The following ARHGAP23 variants were observed in gnomAD, a reference collection of about 807,000 sequenced individuals.
The protein encoded by ARHGAP23 is rho GTPase-activating protein 23.
In ARHGAP23, 34 loss-of-function variants were observed where a neutral mutation model predicts 136.3. The observed-to-expected ratio is 0.25, with a 90% CI of 0.19 to 0.33. The LOEUF (loss-of-function observed/expected upper bound fraction) is 0.33. Ranked by LOEUF, ARHGAP23 falls within the 10% of genes least tolerant of loss-of-function variation. The pLI, the probability that ARHGAP23 is intolerant of heterozygous loss-of-function variation, is 1.00. For missense variants in ARHGAP23, 1,808 were observed against 2,139.0 expected, an observed-to-expected ratio of 0.85 and a Z score of 3.05; for synonymous variants, 832 against 920.5, an observed-to-expected ratio of 0.90 and a Z score of 1.74.
intron 12 of ARHGAP23, among the ~76,000 whole-genome samples, chr17:38,478,905 C>T (rs536459369): frequency 2.0e-5 from 3 of 152,282 alleles, no homozygotes; most frequent in East Asian, 3.9e-4. Context: ...CTGCTGTGGC[C>T]GTGGGAGGGG....
At chr17:38,501,219 T>TA (rs199540715) in intron 23 of ARHGAP23, 6,574 of 152,108 alleles carry the variant, frequency 0.043, 202 homozygotes, top group Non-Finnish European at 0.062. Flanking sequence ...ACTAACAGAA[T>TA]AAAAAGAAAG....
At chr17:38,461,842 A>G (rs1428431856) in intron 3 of ARHGAP23, among the ~76,000 whole-genome samples, 2 of 152,100 alleles carry the variant, frequency 1.3e-5, no homozygotes, top group African/African-American at 4.8e-5. Context: ...GGCCTCTTGT[A>G]TGGCGCCCTT....
chr17:38,446,777 C>T (rs535838326), intron 1 of ARHGAP23, among the ~76,000 whole-genome samples: 2 of 152,086 alleles, frequency 1.3e-5, no homozygotes, highest in African/African-American at 4.8e-5. Context: ...TACTGATTTC[C>T]ATAGCAACTC....
intron 1 of ARHGAP23, among the ~76,000 whole-genome samples, chr17:38,441,608 G>C (rs1370653295): frequency 6.6e-6 from 1 of 152,212 alleles, no homozygotes; most frequent in East Asian, 1.9e-4. Flanking sequence ...CCGAGAGTCT[G>C]GGCTCTGCCC....
chr17:38,448,059 G>A (rs1005328660), intron 1 of ARHGAP23, among the ~76,000 whole-genome samples: 1 of 152,192 alleles, frequency 6.6e-6, no homozygotes, highest in Admixed American at 6.5e-5. Flanking sequence ...GCCCCATCCT[G>A]GGGTCTCATG....
At chr17:38,480,247 T>C (rs968800900) in intron 14 of ARHGAP23, among the ~76,000 whole-genome samples, 1 of 152,132 alleles carries the variant, frequency 6.6e-6, no homozygotes, top group African/African-American at 2.4e-5. Context: ...ACACGTGTAA[T>C]CCCAGCACTT....
intron 20 of ARHGAP23, among the ~76,000 whole-genome samples, chr17:38,494,811 G>A (rs1220861455): frequency 2.0e-5 from 3 of 152,126 alleles, no homozygotes; most frequent in African/African-American, 4.8e-5. Context: ...CATCCCAGGC[G>A]GAAAGAACAG....
chr17:38,443,863 C>T (rs1374436990), intron 1 of ARHGAP23, among the ~76,000 whole-genome samples: 1 of 152,140 alleles, frequency 6.6e-6, no homozygotes, highest in African/African-American at 2.4e-5. Flanking sequence ...CACCTGTTAC[C>T]TCTGCCCAGG....
In ARHGAP23 at chr17:38,510,500, G is replaced by T; in HGVS notation, c.4004G>T (p.Arg1335Leu). The T allele has an allele frequency of 1.7e-6, 2 of 1,152,500 alleles. No individual in the cohort carries two copies. The highest frequency in any genetic ancestry group is 2.1e-6 in the Non-Finnish European group (2 of 938,702). 71.4% of individuals were successfully genotyped at this position (1,152,500 alleles called of 1,614,324 possible). A position where few individuals can be genotyped will look rare whatever the true frequency, so the allele number is the denominator to read the frequency against. ...CGCCCAGACGGCGAGGGCGCGGGCC[G>T]GGGCGGTCCCCGCGCCCCGGAGCCG... ...RGRPDGEGAG[R>L]GGPRAPEPPG... The change falls in exon 24 of 24, where the codon CGG (arginine) becomes CTG (leucine). Residue 1335 changes from arginine (R) to leucine (L), a missense_variant. Physicochemically the swap from Arg to Leu is moderately radical, Grantham distance 102. Coordinates refer to ENST00000622683, the MANE Select transcript of ARHGAP23 (RefSeq NM_001199417.2). The surrounding 1 kb of genome is among the most constrained non-coding windows in gnomAD (Gnocchi z 4.6).
chr17:38,474,319 G>A (rs2039837822), intron 11 of ARHGAP23, among the ~76,000 whole-genome samples: 2 of 152,206 alleles, frequency 1.3e-5, no homozygotes. Context: ...AGGTGAGTGA[G>A]GCTGGGGGCC....
intron 1 of ARHGAP23, among the ~76,000 whole-genome samples, chr17:38,436,525 C>T (rs565408187): frequency 2.6e-5 from 4 of 152,366 alleles, no homozygotes; most frequent in East Asian, 1.9e-4. Context: ...GGAGCCGAAT[C>T]GAACCCACTG....
At chr17:38,432,278 T>A (rs2038702012) in intron 1 of ARHGAP23, among the ~76,000 whole-genome samples, 1 of 152,238 alleles carries the variant, frequency 6.6e-6, no homozygotes, top group African/African-American at 2.4e-5. Flanking sequence ...GGCTCACACC[T>A]GTAATCCCAG....
intron 1 of ARHGAP23, among the ~76,000 whole-genome samples, chr17:38,435,158 G>A (rs1295290169): frequency 1.3e-5 from 2 of 152,192 alleles, no homozygotes; most frequent in East Asian, 1.9e-4. Context: ...AGAGCAGAGA[G>A]GAAGGGACCA....
chr17:38,466,304 G>C lies in ARHGAP23; in HGVS notation c.621G>C (p.Met207Ile). The C allele has an allele frequency of 6.5e-7, 1 of 1,546,422 alleles. No individual in the cohort carries two copies. The change falls in exon 7 of 24, where the codon ATG (methionine) becomes ATC (isoleucine). Residue 207 changes from methionine (M) to isoleucine (I), a missense_variant. Physicochemically the swap from Met to Ile is conservative, Grantham distance 10 (BLOSUM62 1). Around this residue, in one of 7 missense-constraint regions of ARHGAP23, gnomAD observed 859 missense variants for 936.4 expected, o/e 0.92. Transcript: ENST00000622683. The part of the protein sequence containing the change: ...PPARASTRAT[M>I]VPEPTSALPS... The stretch of plus-strand genomic sequence containing the variant: ...CCCGGGCCTCCACCAGGGCCACTAT[G>C]GTGCCTGAGCCCACCTCAGCACTGC...
chr17:38,424,359 G>A (rs745390504), upstream of ARHGAP23, among the ~76,000 whole-genome samples: 3 of 151,982 alleles, frequency 2.0e-5, no homozygotes, highest in African/African-American at 4.8e-5. Flanking sequence ...CCTGCCTGTC[G>A]CCTGTCCCTT....
chr17:38,440,376 A>G (rs1056593854), intron 1 of ARHGAP23, among the ~76,000 whole-genome samples: 1 of 152,218 alleles, frequency 6.6e-6, no homozygotes, highest in South Asian at 2.1e-4. Context: ...TTGCATGTCT[A>G]TGTCTTTGGT....
intron 11 of ARHGAP23, among the ~76,000 whole-genome samples, chr17:38,476,010 G>A (rs999950837): frequency 1.3e-5 from 2 of 152,172 alleles, no homozygotes; most frequent in South Asian, 2.1e-4. Flanking sequence ...AGAAAGGAAA[G>A]GCTTGGCTCG....
Position 38,466,247 on chromosome 17 carries a change from C to A in ARHGAP23, c.564C>A (p.Ile188=). 6.5e-7 allele frequency: 1 copy of A among 1,547,624 alleles called. No homozygotes were observed. The stretch of plus-strand genomic sequence containing the variant: ...GCAGCATCCCAGAGCCACCCCCGAT[C>A]TGCTACCCCCGCAAGACCTACGCCC... The part of the protein sequence containing the change: ...EARSIPEPPP[I]CYPRKTYAPP... Residue 188 remains isoleucine, a synonymous_variant, in exon 7 of 24, where the codon ATC becomes ATA. Coordinates refer to ENST00000622683, the MANE Select transcript of ARHGAP23 (RefSeq NM_001199417.2).
At chr17:38,470,662 G>A (rs909814466) in intron 10 of ARHGAP23, among the ~76,000 whole-genome samples, 2 of 152,096 alleles carry the variant, frequency 1.3e-5, no homozygotes, top group African/African-American at 2.4e-5. Context: ...TCAGCCTCCC[G>A]AGCAGCTGGG....
Sources: gnomAD v4.1 joint callset for allele counts (sites outside exome capture counted in the v4.1 genomes callset) on GRCh38, gnomAD v4.1.1 for gene constraint, gnomAD v4.1.1 regional missense constraint, Gnocchi (gnomAD v3.1) non-coding constraint, MANE v1.5 for transcripts, NCBI Gene and HGNC (gene_info 2026-07-23, HGNC 2026-07-21) for gene names.